Variants in MACROD2 observed in about 807,000 individuals in gnomAD.
MACROD2 encodes mono-ADP ribosylhydrolase 2, also known as ADP-ribose glycohydrolase MACROD2.
In MACROD2, 36 loss-of-function variants were observed where a neutral mutation model predicts 70.4. The observed-to-expected ratio is 0.51, with a 90% CI of 0.39 to 0.68. The LOEUF is 0.68. Ranked by LOEUF, MACROD2 falls within the 30% of genes least tolerant of loss-of-function variation. MACROD2 has a pLI of 0.00. For missense variants in MACROD2, 496 were observed against 538.4 expected, an observed-to-expected ratio of 0.92 and a Z score of 0.78; for synonymous variants, 172 against 178.8, an observed-to-expected ratio of 0.96 and a Z score of 0.30.
At chr20:14,223,741 G>C (rs1029678269) in intron 3 of MACROD2, among the ~76,000 whole-genome samples, 1 of 151,960 alleles carries the variant, frequency 6.6e-6, no homozygotes, top group African/African-American at 2.4e-5. Flanking sequence ...CTTGTGATCT[G>C]CCTGCCTCAG....
At chr20:14,857,224 A>C (rs2073264439) in intron 5 of MACROD2, among the ~76,000 whole-genome samples, 1 of 152,188 alleles carries the variant, frequency 6.6e-6, no homozygotes, top group African/African-American at 2.4e-5. Flanking sequence ...TTATGAATCC[A>C]AATTCTGCAC....
At chr20:14,901,506 C>T (rs1187201262) in intron 5 of MACROD2, among the ~76,000 whole-genome samples, 7 of 151,998 alleles carry the variant, frequency 4.6e-5, no homozygotes, top group East Asian at 1.9e-4. Flanking sequence ...ACTCTTGAAA[C>T]GAACTTTAGG....
At chr20:14,937,352 C>G (rs1255199488) in intron 5 of MACROD2, among the ~76,000 whole-genome samples, 1 of 151,904 alleles carries the variant, frequency 6.6e-6, no homozygotes, top group Non-Finnish European at 1.5e-5. Context: ...CCATTTGGGC[C>G]TGTGGAGATC....
At chr20:14,843,574 C>T (rs1362207725) in intron 5 of MACROD2, among the ~76,000 whole-genome samples, 3 of 152,078 alleles carry the variant, frequency 2.0e-5, no homozygotes, top group African/African-American at 7.2e-5. Context: ...TACATTCTCT[C>T]AAATATGCTA....
At chr20:15,417,416 C>A (rs2046167724) in intron 6 of MACROD2, among the ~76,000 whole-genome samples, 1 of 151,288 alleles carries the variant, frequency 6.6e-6, no homozygotes, top group South Asian at 2.1e-4. Context: ...CACAGCAAGA[C>A]CTCATCCCTA....
At chr20:15,238,959 C>T (rs1464535740) in intron 6 of MACROD2, among the ~76,000 whole-genome samples, 3 of 152,108 alleles carry the variant, frequency 2.0e-5, no homozygotes, top group African/African-American at 4.8e-5. Context: ...AAGAGATTTG[C>T]AATGCAAGCT....
At chr20:15,110,407 A>T (rs1032950155) in intron 5 of MACROD2, among the ~76,000 whole-genome samples, 1 of 152,156 alleles carries the variant, frequency 6.6e-6, no homozygotes, top group Non-Finnish European at 1.5e-5. Flanking sequence ...TTGTCATACA[A>T]TTTGATGAAT....
chr20:15,478,158 C>T (rs1008738709), intron 7 of MACROD2, among the ~76,000 whole-genome samples: 3 of 152,158 alleles, frequency 2.0e-5, no homozygotes, highest in African/African-American at 7.2e-5. Flanking sequence ...GGGGTTGTTA[C>T]AGCAGCAGTA....
At chr20:14,587,249 A>G (rs2123364202) in intron 4 of MACROD2, among the ~76,000 whole-genome samples, 1 of 151,894 alleles carries the variant, frequency 6.6e-6, no homozygotes, top group South Asian at 2.1e-4. Flanking sequence ...TAAATATTGC[A>G]TATTCATGTT....
chr20:14,862,526 A>AAT (rs1287949414), intron 5 of MACROD2, among the ~76,000 whole-genome samples: 1 of 18,478 alleles, frequency 5.4e-5, no homozygotes, highest in Non-Finnish European at 9.2e-5. Flanking sequence ...TATAAATATA[A>AAT]ATATATATAA....
chr20:14,722,691 C>G (rs957704447), intron 5 of MACROD2, among the ~76,000 whole-genome samples: 1 of 152,084 alleles, frequency 6.6e-6, no homozygotes, highest in African/African-American at 2.4e-5. Context: ...GTTTTAAGTT[C>G]AAGTAGAATT....
At chr20:15,069,644 G>C (rs1033875260) in intron 5 of MACROD2, among the ~76,000 whole-genome samples, 1 of 152,240 alleles carries the variant, frequency 6.6e-6, no homozygotes, top group African/African-American at 2.4e-5. Context: ...CCCAGGTACA[G>C]CTTGGGCTGC....
At chr20:14,843,775 A>T (rs535832717) in intron 5 of MACROD2, among the ~76,000 whole-genome samples, 10 of 152,016 alleles carry the variant, frequency 6.6e-5, no homozygotes, top group African/African-American at 2.2e-4. Flanking sequence ...CTATTTGCCC[A>T]CTCTTGTTAA....
intron 17 of MACROD2, among the ~76,000 whole-genome samples, chr20:16,048,259 A>G (rs1227953403): frequency 6.6e-6 from 1 of 152,224 alleles, no homozygotes; most frequent in African/African-American, 2.4e-5. Flanking sequence ...CAGGACAATT[A>G]GCACTATGAG....
chr20:15,774,067 G>A (rs2051680828), intron 8 of MACROD2, among the ~76,000 whole-genome samples: 1 of 152,092 alleles, frequency 6.6e-6, no homozygotes, highest in South Asian at 2.1e-4. Context: ...CTCTTCCTGT[G>A]TTTCTTTAAT....
chr20:15,443,181 C>A (rs1568811691), intron 7 of MACROD2, among the ~76,000 whole-genome samples: 1 of 152,080 alleles, frequency 6.6e-6, no homozygotes, highest in African/African-American at 2.4e-5. Context: ...GGCTGTGGGG[C>A]CACAGTCATC....
At chr20:15,015,367 T>C (rs2075113068) in intron 5 of MACROD2, among the ~76,000 whole-genome samples, 1 of 152,148 alleles carries the variant, frequency 6.6e-6, no homozygotes, top group Non-Finnish European at 1.5e-5. Flanking sequence ...TACATAACCT[T>C]TATACATCTA....
chr20:15,600,344 T>C (rs2048802584), intron 8 of MACROD2, among the ~76,000 whole-genome samples: 1 of 152,230 alleles, frequency 6.6e-6, no homozygotes, highest in Non-Finnish European at 1.5e-5. Flanking sequence ...GCTGTTGTTT[T>C]TGTTGTTCCG....
At chr20:15,045,284 G>C (rs2075384504) in intron 5 of MACROD2, among the ~76,000 whole-genome samples, 1 of 152,154 alleles carries the variant, frequency 6.6e-6, no homozygotes, top group Non-Finnish European at 1.5e-5. Context: ...TAATGTCTGA[G>C]GTTAGAATGT....
Sources: allele counts gnomAD v4.1 joint callset (sites outside exome capture counted in the v4.1 genomes callset), GRCh38; gene constraint gnomAD v4.1.1; transcripts MANE v1.5; gene names NCBI Gene and HGNC (gene_info 2026-07-23, HGNC 2026-07-21).